Variants in NAV2 observed in about 807,000 individuals in gnomAD.
NAV2 encodes the protein neuron navigator 2.
Under a neutral mutation model 223.2 loss-of-function variants are expected in NAV2, and 54 were observed. The ratio of observed to expected loss-of-function variants is 0.24; its 90% CI spans 0.19 to 0.30. The LOEUF is 0.30. Ranked by LOEUF, NAV2 falls within the 10% of genes least tolerant of loss-of-function variation. NAV2 has a pLI of 1.00. For synonymous variants in NAV2, 1,279 were observed against 1,239.3 expected (o/e 1.03, Z -0.67); for missense variants, 2,806 against 3,147.5 (o/e 0.89, Z 2.60).
At chr11:19,880,709 T>TG (rs2063149160) in intron 5 of NAV2, among the ~76,000 whole-genome samples, 1 of 152,124 alleles carries the variant, frequency 6.6e-6, no homozygotes. Flanking sequence ...TCTGCAGGGT[T>TG]GGGGTCTGGA....
intron 1 of NAV2, among the ~76,000 whole-genome samples, chr11:19,798,833 T>C (rs2058069712): frequency 6.6e-6 from 1 of 152,222 alleles, no homozygotes; most frequent in African/African-American, 2.4e-5. Context: ...TCAAAGCTTG[T>C]AGTTTTCCTG....
chr11:19,397,923 G>C (rs1849527789), intron 1 of NAV2, among the ~76,000 whole-genome samples: 1 of 152,158 alleles, frequency 6.6e-6, no homozygotes, highest in Admixed American at 6.5e-5. Context: ...CAGCAGCAGT[G>C]CCTCTGTGTG....
At chr11:20,058,075 A>T (rs1384422791) in intron 19 of NAV2, among the ~76,000 whole-genome samples, 4 of 152,268 alleles carry the variant, frequency 2.6e-5, no homozygotes, top group Non-Finnish European at 5.9e-5. Flanking sequence ...TAAGGTTATT[A>T]CATTCAAAAA....
Position 20,118,294 on chromosome 11 carries a change from C to T in NAV2, c.*36C>T. The T allele has an allele frequency of 6.2e-7, 1 of 1,607,498 alleles. No individual in the cohort carries two copies. Among genetic ancestry groups the T allele is most frequent in the Non-Finnish European group, 8.5e-7 (1 of 1,177,334 alleles). Reference sequence around the variant, plus strand: ...GAGCCCAGCGCCCTCCTCTTCTCCTCACCGCATTCCACCTGCATCCCCCAC... The same window carrying T: ...GAGCCCAGCGCCCTCCTCTTCTCCTTACCGCATTCCACCTGCATCCCCCAC... On this transcript the variant is annotated 3_prime_UTR_variant, in exon 38 of 38. Transcript: ENST00000349880.
chr11:19,973,409 G>A (rs568972213), intron 10 of NAV2, among the ~76,000 whole-genome samples: 7 of 152,326 alleles, frequency 4.6e-5, no homozygotes, highest in South Asian at 2.1e-4. Flanking sequence ...GGAATGATAA[G>A]ACTTACCAGC....
At chr11:19,540,912 G>T (rs1223585478) in intron 1 of NAV2, among the ~76,000 whole-genome samples, 3 of 152,108 alleles carry the variant, frequency 2.0e-5, no homozygotes, top group African/African-American at 7.2e-5. Context: ...GACAAGAAAA[G>T]AAGAGAAGGG....
intron 1 of NAV2, among the ~76,000 whole-genome samples, chr11:19,793,637 A>C (rs947592711): frequency 1.3e-5 from 2 of 152,028 alleles, no homozygotes; most frequent in African/African-American, 4.8e-5. Context: ...CATTCTCCCC[A>C]TAGGTGGCCA....
At chr11:19,536,719 C>T (rs2044199596) in intron 1 of NAV2, among the ~76,000 whole-genome samples, 1 of 152,218 alleles carries the variant, frequency 6.6e-6, no homozygotes, top group Non-Finnish European at 1.5e-5. Flanking sequence ...TGTGGTATCT[C>T]TCCTCCCTGA....
At chr11:20,083,269 G>C (rs2060205302) in intron 26 of NAV2, 90 bp downstream of exon 26, 1 of 1,031,210 alleles carries the variant, frequency 9.7e-7, no homozygotes, top group African/African-American at 1.6e-5. Flanking sequence ...TGACACATCT[G>C]CTCCTTGGGA....
At chr11:19,543,895 G>A (rs1225570595) in intron 1 of NAV2, among the ~76,000 whole-genome samples, 1 of 152,156 alleles carries the variant, frequency 6.6e-6, no homozygotes, top group Non-Finnish European at 1.5e-5. Flanking sequence ...TTGAGCTGAG[G>A]ATAATCCATC....
At chr11:19,401,851 C>G (rs371492142) in intron 1 of NAV2, 16 of 152,288 alleles carry the variant, frequency 1.1e-4, no homozygotes, top group African/African-American at 3.1e-4. Flanking sequence ...AATTGCAGTG[C>G]CACACTTAAG....
chr11:19,888,063 C>T (rs1421491221), intron 5 of NAV2, among the ~76,000 whole-genome samples: 1 of 152,016 alleles, frequency 6.6e-6, no homozygotes, highest in Non-Finnish European at 1.5e-5. Context: ...TGGCTCTGCA[C>T]ACGTTGGAGA....
rs67561376 is a variant in NAV2, at chr11:19,527,937, G to GACACACACACACACACACACACAC, written c.75+176922_75+176945dup. On this transcript the variant is annotated intron_variant, in intron 1 of 37. Coordinates refer to the NAV2 transcript ENST00000360655. Reference sequence around the variant, plus strand: ...TCACAAGGAGATAGCTCCCTGCCCTGACACACACACACACACACACACACA... The same window carrying GACACACACACACACACACACACAC: ...TCACAAGGAGATAGCTCCCTGCCCTGACACACACACACACACACACACACACACACACACACACACACACACACA... 7.8e-3 allele frequency among the ~76,000 whole-genome samples: 1,114 copies of GACACACACACACACACACACACAC among 143,250 alleles called. 28 individuals carry two copies. The highest frequency in any genetic ancestry group is 0.028 in the African/African-American group (1,052 of 37,016). The allele number at this position is 143,250 out of a possible 152,430, so 94.0% of individuals were successfully genotyped here.
chr11:19,687,960 C>T (rs77805116), intron 1 of NAV2, among the ~76,000 whole-genome samples: 7 of 152,244 alleles, frequency 4.6e-5, no homozygotes, highest in East Asian at 1.9e-4. Context: ...TGTGCCCTAG[C>T]GCTGACTCTC....
rs1309873056 is a variant in NAV2, at chr11:20,089,838, C to G, written c.5499-1027C>G. Among the ~76,000 whole-genome samples the G allele has an allele frequency of 2.0e-5, 3 of 152,120 alleles. No individual in the cohort carries two copies. In the East Asian group the frequency reaches 5.8e-4, roughly 29 times the overall value. On this transcript the variant is annotated intron_variant, in intron 26 of 37. Coordinates refer to ENST00000349880, the MANE Select transcript of NAV2 (RefSeq NM_145117.5). ...AGAGCAAACCTAAGTAACTAAGGAG[C>G]CTAAGCTAGAAGAACCACCTCTTCA...
At chr11:19,384,787 G>A (rs1054665282) in intron 1 of NAV2, 2 of 152,164 alleles carry the variant, frequency 1.3e-5, no homozygotes, top group African/African-American at 4.8e-5. Context: ...CGTTCAGTGC[G>A]GGCTTCTCTG....
At chr11:19,799,255 G>A (rs1200197148) in intron 1 of NAV2, among the ~76,000 whole-genome samples, 1 of 152,204 alleles carries the variant, frequency 6.6e-6, no homozygotes, top group African/African-American at 2.4e-5. Context: ...GGGATTCTGG[G>A]CCACAGGTGG....
chr11:19,800,387 T>C (rs2058171099), intron 1 of NAV2, among the ~76,000 whole-genome samples: 1 of 152,218 alleles, frequency 6.6e-6, no homozygotes, highest in Non-Finnish European at 1.5e-5. Flanking sequence ...TGGGAACATG[T>C]ATGGGCTTCA....
At chr11:19,885,333 A>G (rs1223579230) in intron 5 of NAV2, among the ~76,000 whole-genome samples, 1 of 152,156 alleles carries the variant, frequency 6.6e-6, no homozygotes, top group African/African-American at 2.4e-5. Flanking sequence ...CCACAGTGCT[A>G]CACTCTCTTC....
Sources: allele counts gnomAD v4.1 joint callset (sites outside exome capture counted in the v4.1 genomes callset), GRCh38; gene constraint gnomAD v4.1.1; transcripts MANE v1.5; gene names NCBI Gene and HGNC (gene_info 2026-07-23, HGNC 2026-07-21).